OPN4: variants seen among roughly 807,000 people sequenced by gnomAD.
OPN4 encodes the protein melanopsin.
A neutral mutation model predicts 49.5 loss-of-function variants in OPN4; 43 were observed. The ratio of observed to expected loss-of-function variants is 0.87; its 90% CI spans 0.68 to 1.12. OPN4 has a LOEUF of 1.12. OPN4 is among the 50% of genes most tolerant of loss of function. The probability of loss-of-function intolerance (pLI) is 0.00; values close to 1 mark genes in which losing one functional copy is unlikely to be tolerated. For missense variants in OPN4, 657 were observed against 643.9 expected, an observed-to-expected ratio of 1.02 and a Z score of -0.22; for synonymous variants, 263 against 258.0, an observed-to-expected ratio of 1.02 and a Z score of -0.19.
At chr10:86,663,999 C>A (rs1195998064) in intron 9 of OPN4, 197 bp downstream of exon 9, 2 of 613,684 alleles carry the variant, frequency 3.3e-6, no homozygotes, top group East Asian at 2.9e-5. Context: ...TGAGCAGGGC[C>A]TGCATATGGT....
chr10:86,654,999 CAG>C, intron 1 of OPN4, 72 bp downstream of exon 1: 1 of 1,488,814 alleles, frequency 6.7e-7, no homozygotes, highest in South Asian at 1.2e-5. Context: ...TGGCCACACA[CAG>C]GGGCTTTGAC....
chr10:86,657,858 G>A (rs1008165714), intron 2 of OPN4, among the ~76,000 whole-genome samples, 174 bp from the exon 3 acceptor site: 1 of 152,182 alleles, frequency 6.6e-6, no homozygotes, highest in Non-Finnish European at 1.5e-5. Context: ...GTCCCTGCCC[G>A]ACAGTGGGAT....
rs200697415 is a variant in OPN4, at chr10:86,656,315, G to A, written c.290+15G>A. ...ACCTTCTGCAGGTGCCTGGTTGGTGGTGCTGGGCCCAGGGCACTGAGGGTG... is the reference window on the plus strand; with the variant it reads ...ACCTTCTGCAGGTGCCTGGTTGGTGATGCTGGGCCCAGGGCACTGAGGGTG... On this transcript the variant is annotated intron_variant, in intron 2 of 9. Transcript: ENST00000241891. 8.7e-5 allele frequency: 137 copies of A among 1,583,594 alleles called. 1 individual carries two copies. The African/African-American group carries it at 1.3e-3, about 14-fold the overall frequency.
intron 4 of OPN4, among the ~76,000 whole-genome samples, 192 bp from the exon 5 acceptor site, chr10:86,659,105 T>C (rs977499206): frequency 5.9e-5 from 9 of 152,164 alleles, no homozygotes; most frequent in African/African-American, 2.2e-4. Context: ...TCTGCTCAAA[T>C]CTAGCAGGAA....
At chr10:86,659,147 G>A in intron 4 of OPN4, 150 bp from the exon 5 acceptor site, 1 of 627,712 alleles carries the variant, frequency 1.6e-6, no homozygotes, top group Non-Finnish European at 2.8e-6. Context: ...GGCCATCCCA[G>A]TTCCCTCCAG....
chr10:86,655,385 G>A (rs1452572198), intron 1 of OPN4, among the ~76,000 whole-genome samples: 2 of 152,198 alleles, frequency 1.3e-5, no homozygotes, highest in African/African-American at 2.4e-5. Context: ...GGGGAAGGCC[G>A]AGGGCACCCT....
At chr10:86,656,519 C>T (rs1843868488) in intron 2 of OPN4, among the ~76,000 whole-genome samples, 1 of 152,208 alleles carries the variant, frequency 6.6e-6, no homozygotes, top group Non-Finnish European at 1.5e-5. Flanking sequence ...CTGACTGGCA[C>T]TAATTGAGAC....
At chr10:86,661,214 C>A in intron 6 of OPN4, 67 bp from the exon 7 acceptor site, 1 of 1,335,718 alleles carries the variant, frequency 7.5e-7, no homozygotes, top group Non-Finnish European at 1.1e-6. Context: ...TTGGCAGGGC[C>A]TGGCCCAGAA....
intron 4 of OPN4, 120 bp downstream of exon 4, chr10:86,658,807 G>C (rs1843933259): frequency 1.0e-6 from 1 of 970,866 alleles, no homozygotes; most frequent in Admixed American, 2.1e-5. Context: ...AGCTACCTGA[G>C]CCTCAGGTGA....
At chr10:86,663,623 C>A in intron 8 of OPN4, 36 bp from the exon 9 acceptor site, 2 of 1,465,110 alleles carry the variant, frequency 1.4e-6, no homozygotes, top group East Asian at 2.5e-5. Flanking sequence ...ACGGACTGTC[C>A]CTCTCACCTC....
chr10:86,656,294 T>A lies in OPN4; in HGVS notation c.284T>A (p.Phe95Tyr), dbSNP rs760967151. 5.0e-6 allele frequency: 8 copies of A among 1,597,494 alleles called. No individual in the cohort carries two copies. The highest frequency in any genetic ancestry group is 6.8e-6 in the Non-Finnish European group (8 of 1,170,020). Reference protein sequence around the residue: ...MLGNLTVIYTFCRSRSLRTPA... With the variant: ...MLGNLTVIYTYCRSRSLRTPA... ...GGCAACCTGACGGTCATCTATACCT[T>A]CTGCAGGTGCCTGGTTGGTGGTGCT... Residue 95 changes from phenylalanine (F) to tyrosine (Y), a missense_variant, in exon 2 of 10, where the codon TTC (phenylalanine) becomes TAC (tyrosine). Transcript: ENST00000241891.
Position 86,659,991 on chromosome 10 carries a change from G to T in OPN4, c.897G>T (p.Leu299=), listed in dbSNP as rs2132304322. The T allele has an allele frequency of 6.2e-7, 1 of 1,614,216 alleles. No homozygotes were observed. The change falls in exon 6 of 10, where the codon CTG becomes CTT. Residue 299 remains leucine, a synonymous_variant. Coordinates refer to ENST00000241891, the MANE Select transcript of OPN4 (RefSeq NM_033282.4). ...AGTGCAAGATGGCCAAGATCATGCT[G>T]CTGGTCATCCTCCTCTTCGTGCTCT... The part of the protein sequence containing the change: ...QSECKMAKIM[L]LVILLFVLSW...
Position 86,662,333 on chromosome 10 carries a change from C to T in OPN4, c.1155C>T (p.Tyr385=), listed in dbSNP as rs747917889. 37 of 1,602,310 alleles carry T rather than the reference C, an allele frequency of 2.3e-5. No individual in the cohort carries two copies. The highest frequency in any genetic ancestry group is 3.1e-5 in the Non-Finnish European group (37 of 1,175,818). Residue 385 remains tyrosine (Y), a synonymous_variant, in exon 8 of 10, where the codon TAC becomes TAT. Transcript: ENST00000241891. ...GGCACAGTCGCCCCTACCCCAGCTA[C>T]CGCTCCACCCACCGCTCCACGCTGA... ...SRRHSRPYPS[Y]RSTHRSTLTS...
At chr10:86,657,907 CAT>C (rs1453835461) in intron 2 of OPN4, 123 bp from the exon 3 acceptor site, 32 of 1,035,052 alleles carry the variant, frequency 3.1e-5, no homozygotes, top group Non-Finnish European at 4.5e-5. Flanking sequence ...TTTGCTTGCC[CAT>C]GTGTGTGTGC....
chr10:86,659,941 TGGCAGC>T lies in OPN4; in HGVS notation c.857_862del (p.Gln286_Arg287del), dbSNP rs963334123. ...CTGCAAGGGCAATGGCGAGTCCCTG[TGGCAGC>T]GGCAGCGGCTGCAGAGCGAGTGCAA... On this transcript the variant is annotated inframe_deletion, in exon 6 of 10. Coordinates refer to ENST00000241891, the MANE Select transcript of OPN4 (RefSeq NM_033282.4). 6.2e-7 allele frequency: 1 copy of T among 1,614,176 alleles called. No homozygotes were observed. Among genetic ancestry groups the T allele is most frequent in the Non-Finnish European group, 8.5e-7 (1 of 1,180,004 alleles).
chr10:86,660,704 A>G (rs1029077492), intron 6 of OPN4, among the ~76,000 whole-genome samples: 106 of 152,092 alleles, frequency 7.0e-4, no homozygotes, highest in African/African-American at 2.4e-3. Flanking sequence ...GGGAAGTGGG[A>G]TATCGCCAGC....
Sources: gnomAD v4.1 joint callset for allele counts (sites outside exome capture counted in the v4.1 genomes callset) on GRCh38, gnomAD v4.1.1 for gene constraint, MANE v1.5 for transcripts, NCBI Gene and HGNC (gene_info 2026-07-23, HGNC 2026-07-21) for gene names.